Variants in AKAP6 observed in about 807,000 individuals in gnomAD.
AKAP6 encodes A-kinase anchor protein 6.
AKAP6 carries 58 observed loss-of-function variants against 188.5 expected under a neutral mutation model. The ratio of observed to expected loss-of-function variants is 0.31; its 90% CI spans 0.25 to 0.38. The LOEUF (loss-of-function observed/expected upper bound fraction) is 0.38, where lower values mean the gene tolerates loss of function less well. Among genes scored for constraint, AKAP6 ranks in the 10% least tolerant of loss-of-function variants. The probability of loss-of-function intolerance (pLI) is 1.00; values close to 1 mark genes in which losing one functional copy is unlikely to be tolerated. For synonymous variants in AKAP6, 989 were observed against 998.6 expected (o/e 0.99, Z 0.18); for missense variants, 2,710 against 2,740.0 (o/e 0.99, Z 0.24).
Position 32,535,783 on chromosome 14 carries a change from C to T in AKAP6, c.554C>T (p.Ala185Val). The T allele has an allele frequency of 6.2e-7, 1 of 1,613,278 alleles. No homozygotes were observed. The highest frequency in any genetic ancestry group is 2.2e-5 in the East Asian group (1 of 44,870). ...NYTRQTDILQ[A>V]FSEETKEGRL... is the part of the protein sequence containing the mutation. ...ACTAGGCAGACGGACATTCTGCAAG[C>T]TTTCTCTGAAGAGACAAAAGAGGTG... Residue 185 changes from alanine (A) to valine (V), a missense_variant, in exon 3 of 14, where the codon GCT becomes GTT. Around this residue, in one of 2 missense-constraint regions of AKAP6, gnomAD observed 237 missense variants for 313.9 expected, o/e 0.76. Coordinates refer to ENST00000280979, the MANE Select transcript of AKAP6 (RefSeq NM_004274.5).
chr14:32,422,349 C>T (rs959703898), intron 1 of AKAP6, among the ~76,000 whole-genome samples: 1 of 152,108 alleles, frequency 6.6e-6, no homozygotes, highest in Non-Finnish European at 1.5e-5. Context: ...ACTAGAACAA[C>T]TCATAGAACT....
intron 11 of AKAP6, among the ~76,000 whole-genome samples, chr14:32,737,061 C>G (rs2031461091): frequency 6.6e-6 from 1 of 152,134 alleles, no homozygotes; most frequent in African/African-American, 2.4e-5. Context: ...GCTGTTTTAT[C>G]TCTACTTGAC....
At chr14:32,459,293 A>T (rs1415321403) in intron 2 of AKAP6, among the ~76,000 whole-genome samples, 1 of 129,746 alleles carries the variant, frequency 7.7e-6, no homozygotes, top group African/African-American at 2.4e-5. Context: ...GGCAATGAAA[A>T]TGTTCTAGAG....
intron 13 of AKAP6, among the ~76,000 whole-genome samples, chr14:32,828,218 C>T (rs373672125): frequency 1.2e-4 from 19 of 152,232 alleles, no homozygotes; most frequent in African/African-American, 4.6e-4. Context: ...TAAGAGCAAA[C>T]ATTTCTCATG....
rs369630039 is a variant in AKAP6, at chr14:32,596,983, C to G, written c.2470-2427C>G. Among the ~76,000 whole-genome samples the G allele has an allele frequency of 3.9e-5, 6 of 152,010 alleles. No homozygotes were observed. The East Asian group carries it at 1.2e-3, about 29-fold the overall frequency. On this transcript the variant is annotated intron_variant, in intron 5 of 13. Coordinates refer to ENST00000280979, the MANE Select transcript of AKAP6 (RefSeq NM_004274.5). ...TATTATTAATGGTTAATGGGTGCACCTGAAAATCAAGCAATATTGTACCAT... is the reference window on the plus strand; with the variant it reads ...TATTATTAATGGTTAATGGGTGCACGTGAAAATCAAGCAATATTGTACCAT...
intron 4 of AKAP6, among the ~76,000 whole-genome samples, chr14:32,562,545 G>A (rs1884000357): frequency 1.3e-5 from 2 of 152,234 alleles, no homozygotes; most frequent in South Asian, 2.1e-4. Context: ...ATCACTTGAG[G>A]TCAGGAGTTC....
chr14:32,510,466 A>G lies in AKAP6; in HGVS notation c.325-25088A>G, dbSNP rs1013978953. Among the ~76,000 whole-genome samples, 14 of 130,350 alleles carry G rather than the reference A, an allele frequency of 1.1e-4. 1 individual carries two copies. Among genetic ancestry groups the G allele is most frequent in the Admixed American group, 8.7e-4 (11 of 12,636 alleles). 85.5% of individuals were successfully genotyped at this position (130,350 alleles called of 152,430 possible). A position where few individuals can be genotyped will look rare whatever the true frequency, so the allele number is the denominator to read the frequency against. On this transcript the variant is annotated intron_variant, in intron 2 of 13. Coordinates refer to ENST00000280979, the MANE Select transcript of AKAP6 (RefSeq NM_004274.5). ...TATATATATACATATATATGTGTAT[A>G]TATATATATACATATATATATGTGT...
At chr14:32,526,385 A>G (rs1442119082) in intron 2 of AKAP6, among the ~76,000 whole-genome samples, 1 of 152,108 alleles carries the variant, frequency 6.6e-6, no homozygotes, top group Admixed American at 6.5e-5. Flanking sequence ...GGCACCTGCC[A>G]CCATGCCCCA....
chr14:32,473,370 T>A (rs1405610479), intron 2 of AKAP6, among the ~76,000 whole-genome samples: 1 of 152,122 alleles, frequency 6.6e-6, no homozygotes. Flanking sequence ...AACTAGAAAA[T>A]GAGAAGTAGA....
At chr14:32,422,482 A>G (rs1889882285) in intron 1 of AKAP6, among the ~76,000 whole-genome samples, 2 of 152,210 alleles carry the variant, frequency 1.3e-5, no homozygotes, top group African/African-American at 2.4e-5. Flanking sequence ...CCAGGCCCTC[A>G]GGGATGTATT....
chr14:32,397,509 C>G (rs1465032708), intron 1 of AKAP6, among the ~76,000 whole-genome samples: 1 of 151,754 alleles, frequency 6.6e-6, no homozygotes, highest in Non-Finnish European at 1.5e-5. Context: ...TCCTGAGTAG[C>G]TGGGACTACA....
Position 32,547,076 on chromosome 14 carries a change from C to T in AKAP6, c.2346+77C>T, listed in dbSNP as rs1022148724. On this transcript the variant is annotated intron_variant, in intron 4 of 13. Coordinates refer to ENST00000280979, the MANE Select transcript of AKAP6 (RefSeq NM_004274.5). ...TTGCTGGGAGAAGGTCACACTCCTA[C>T]ACTCTATTATAAAATGTATGGCTAT... The T allele has an allele frequency of 4.6e-6, 6 of 1,297,368 alleles. No individual in the cohort carries two copies. In the Middle Eastern group the frequency reaches 7.4e-4, roughly 160 times the overall value. The allele number at this position is 1,297,368 out of a possible 1,614,324, so 80.4% of individuals were successfully genotyped here.
At chr14:32,341,759 C>G (rs990419530) in intron 1 of AKAP6, among the ~76,000 whole-genome samples, 1 of 152,090 alleles carries the variant, frequency 6.6e-6, no homozygotes, top group Non-Finnish European at 1.5e-5. Context: ...TGTGGTGGCT[C>G]AGGCCTGGCC....
At chr14:32,519,194 G>A (rs567499888) in intron 2 of AKAP6, among the ~76,000 whole-genome samples, 4 of 152,322 alleles carry the variant, frequency 2.6e-5, no homozygotes, top group East Asian at 1.9e-4. Flanking sequence ...CCTGAAGGAA[G>A]CACTGAACAT....
chr14:32,529,604 G>GT (rs1259176540), intron 2 of AKAP6, among the ~76,000 whole-genome samples: 3 of 152,132 alleles, frequency 2.0e-5, no homozygotes, highest in East Asian at 1.9e-4. Context: ...TTAGCTATAG[G>GT]TTTTTTGTAG....
chr14:32,754,296 A>G (rs1008626564), intron 11 of AKAP6, among the ~76,000 whole-genome samples: 7 of 152,116 alleles, frequency 4.6e-5, no homozygotes, highest in African/African-American at 1.7e-4. Context: ...TGATAAAAGT[A>G]TAGCCACCCT....
At chr14:32,562,754 T>TATAA (rs201612226) in intron 4 of AKAP6, among the ~76,000 whole-genome samples, 1,727 of 152,284 alleles carry the variant, frequency 0.011, 24 homozygotes, top group Admixed American at 0.026. Flanking sequence ...CGAGACTCCA[T>TATAA]ATAAATAAAT....
Position 32,823,489 on chromosome 14 carries a change from T to A in AKAP6, c.5676T>A (p.Ala1892=). The change falls in exon 13 of 14, where the codon GCT becomes GCA. Residue 1892 remains alanine (A), a synonymous_variant. Transcript: ENST00000280979. The stretch of plus-strand genomic sequence containing the variant: ...AAGTTAATAAAGATCCATATGTGGC[T>A]GACATGGAAAATGGCAATATTGAAG... The part of the protein sequence containing the change: ...IFKVNKDPYV[A]DMENGNIEGI... 6.2e-7 allele frequency: 1 copy of A among 1,613,730 alleles called. No individual in the cohort carries two copies. Among genetic ancestry groups the A allele is most frequent in the Non-Finnish European group, 8.5e-7 (1 of 1,179,864 alleles).
intron 2 of AKAP6, among the ~76,000 whole-genome samples, chr14:32,521,921 C>G (rs1881856988): frequency 9.2e-5 from 14 of 152,216 alleles, no homozygotes; most frequent in Admixed American, 9.2e-4. Context: ...AGACATCATG[C>G]TACCTGACTT....
Sources: allele counts gnomAD v4.1 joint callset (sites outside exome capture counted in the v4.1 genomes callset), GRCh38; gene constraint gnomAD v4.1.1; regional missense constraint gnomAD v4.1.1; transcripts MANE v1.5; gene names NCBI Gene and HGNC (gene_info 2026-07-23, HGNC 2026-07-21).